Variants in KIF13B observed in about 807,000 individuals in gnomAD.
The protein encoded by KIF13B is kinesin-like protein KIF13B.
A neutral mutation model predicts 222.0 loss-of-function variants in KIF13B; 127 were observed. The ratio of observed to expected loss-of-function variants is 0.57; its 90% CI spans 0.50 to 0.66. The LOEUF (loss-of-function observed/expected upper bound fraction) is 0.66, where lower values mean the gene tolerates loss of function less well. Ranked by LOEUF, KIF13B falls within the 30% of genes least tolerant of loss-of-function variation. The pLI, the probability that KIF13B is intolerant of heterozygous loss-of-function variation, is 0.00. For synonymous variants in KIF13B, 976 were observed against 919.0 expected, an observed-to-expected ratio of 1.06 and a Z score of -1.12; for missense variants, 2,173 against 2,379.0, an observed-to-expected ratio of 0.91 and a Z score of 1.80.
At chr8:29,243,890 T>C (rs1815895592) in intron 2 of KIF13B, among the ~76,000 whole-genome samples, 1 of 152,204 alleles carries the variant, frequency 6.6e-6, no homozygotes, top group African/African-American at 2.4e-5. Context: ...CACTAATTTA[T>C]TTGATCTTTG....
At chr8:29,186,161 T>C (rs987152611) in intron 6 of KIF13B, 131 bp downstream of exon 6, 6 of 668,424 alleles carry the variant, frequency 9.0e-6, no homozygotes, top group Non-Finnish European at 1.5e-5. Context: ...TAAGCTATGA[T>C]TGTGCCACTG....
At chr8:29,190,817 G>T in intron 4 of KIF13B, 180 bp downstream of exon 4, 2 of 638,378 alleles carry the variant, frequency 3.1e-6, no homozygotes, top group Non-Finnish European at 2.9e-6. Flanking sequence ...TGGGGTGCAG[G>T]GAAAACTCCC....
intron 21 of KIF13B, chr8:29,138,479 T>C (rs1810663346): frequency 6.6e-6 from 1 of 152,176 alleles, no homozygotes; most frequent in African/African-American, 2.4e-5. Flanking sequence ...GACAATAGAA[T>C]TATAGAACCA....
chr8:29,150,488 C>A (rs556402059), intron 14 of KIF13B, 105 bp from the exon 15 acceptor site: 2 of 597,424 alleles, frequency 3.3e-6, no homozygotes, highest in Admixed American at 3.2e-5. Flanking sequence ...AACAATAATT[C>A]CCCCAAACAC....
chr8:29,157,794 G>A (rs988126542), intron 13 of KIF13B, among the ~76,000 whole-genome samples: 1 of 148,212 alleles, frequency 6.7e-6, no homozygotes, highest in East Asian at 2.0e-4. Context: ...TCGTACCACT[G>A]CACTCTCACC....
At chr8:29,144,053 CT>C (rs1456745928) in intron 18 of KIF13B, among the ~76,000 whole-genome samples, 2 of 149,918 alleles carry the variant, frequency 1.3e-5, no homozygotes, top group Non-Finnish European at 1.5e-5. Flanking sequence ...AAAAAAGCCC[CT>C]ATACATTTCC....
At chr8:29,236,873 CAA>C (rs1305076538) in intron 2 of KIF13B, among the ~76,000 whole-genome samples, 2 of 152,080 alleles carry the variant, frequency 1.3e-5, no homozygotes, top group Non-Finnish European at 2.9e-5. Context: ...CAAAATCTAA[CAA>C]GATGCACAAC....
rs77212368 is a variant in KIF13B at position 29,082,439 on chromosome 8, T to C, written c.4459-7096A>G. ...CCAGTTTACTTTACAAACTTCCACA[T>C]AACAGCCTGGGCAACATACCAAGGC... On this transcript the variant is annotated intron_variant, in intron 37 of 39. Transcript: ENST00000524189. Among the ~76,000 whole-genome samples, 877 of 152,206 alleles carry C rather than the reference T, an allele frequency of 5.8e-3. 5 individuals carry two copies. The highest frequency in any genetic ancestry group is 0.02 in the African/African-American group (848 of 41,522).
chr8:29,262,646 GGC>G (rs1816722553), intron 1 of KIF13B, among the ~76,000 whole-genome samples: 1 of 151,658 alleles, frequency 6.6e-6, no homozygotes, highest in South Asian at 2.1e-4. Flanking sequence ...GACGAGGCTG[GGC>G]GCGAGGGCCG....
At chr8:29,078,746 C>T (rs1296461297) in intron 37 of KIF13B, among the ~76,000 whole-genome samples, 4 of 152,150 alleles carry the variant, frequency 2.6e-5, no homozygotes, top group East Asian at 3.8e-4. Flanking sequence ...GCTCAGAGAG[C>T]GTTTACCTAA....
At chr8:29,080,417 C>T (rs1807755094) in intron 37 of KIF13B, among the ~76,000 whole-genome samples, 1 of 151,528 alleles carries the variant, frequency 6.6e-6, no homozygotes, top group Non-Finnish European at 1.5e-5. Context: ...TTGTCCTGAC[C>T]AGGGGCCTGG....
rs1811955651 is a variant in KIF13B, at chr8:29,165,576, G to GTTT, written c.1269+85_1269+86insAAA. ...GAGATTTGCCATCAGCCAAGCTGAAGATCAAAAAGGAACCAGAAACACCAT... is the reference window on the plus strand; with the variant it reads ...GAGATTTGCCATCAGCCAAGCTGAAGTTTATCAAAAAGGAACCAGAAACACCAT... On this transcript the variant is annotated intron_variant, in intron 12 of 39. Coordinates refer to ENST00000524189, the MANE Select transcript of KIF13B (RefSeq NM_015254.4). The GTTT allele has an allele frequency of 7.5e-6, 6 of 795,628 alleles. No individual in the cohort carries two copies. In the Admixed American group the frequency reaches 1.2e-4, roughly 15 times the overall value. The allele number at this position is 795,628 out of a possible 1,614,324, so 49.3% of individuals were successfully genotyped here. A position where few individuals can be genotyped will look rare whatever the true frequency, so the allele number is the denominator to read the frequency against.
At chr8:29,080,361 A>G (rs940388124) in intron 37 of KIF13B, among the ~76,000 whole-genome samples, 3 of 151,310 alleles carry the variant, frequency 2.0e-5, no homozygotes, top group African/African-American at 7.3e-5. Context: ...CAACCCAAAC[A>G]TTAAGCCTCA....
Position 29,244,010 on chromosome 8 carries a change from CTCTTT to C in KIF13B, c.149+1331_149+1335del, listed in dbSNP as rs544034667. Among the ~76,000 whole-genome samples the C allele has an allele frequency of 2.7e-3, 414 of 152,182 alleles. 1 individual carries two copies. The highest frequency in any genetic ancestry group is 9.6e-3 in the African/African-American group (398 of 41,532). ...TTTCAGATTTTCTCCAAATCCAGGG[CTCTTT>C]TCTTTTCTTTTTTTTTGAGACGGAG... On this transcript the variant is annotated intron_variant, in intron 2 of 39. Coordinates refer to ENST00000524189, the MANE Select transcript of KIF13B (RefSeq NM_015254.4).
At chr8:29,234,254 T>C (rs983986371) in intron 2 of KIF13B, among the ~76,000 whole-genome samples, 1 of 151,926 alleles carries the variant, frequency 6.6e-6, no homozygotes, top group Admixed American at 6.6e-5. Context: ...AGGAAAAAGG[T>C]AGAAGCAACC....
intron 29 of KIF13B, 42 bp from the exon 30 acceptor site, chr8:29,119,034 A>G (rs955964961): frequency 6.3e-7 from 1 of 1,592,804 alleles, no homozygotes; most frequent in Admixed American, 1.7e-5. Context: ...GATCATTTTC[A>G]AGGATAACCC....
At chr8:29,163,577 A>G (rs1340337364) in intron 12 of KIF13B, among the ~76,000 whole-genome samples, 1 of 152,222 alleles carries the variant, frequency 6.6e-6, no homozygotes, top group East Asian at 1.9e-4. Context: ...TTGTAGCTCT[A>G]CTGTCAGAAA....
chr8:29,072,579 G>A (rs1288791625), intron 38 of KIF13B, among the ~76,000 whole-genome samples: 1 of 152,192 alleles, frequency 6.6e-6, no homozygotes, highest in African/African-American at 2.4e-5. Flanking sequence ...TCCCACACTG[G>A]TTCTGCCACT....
At chr8:29,178,861 G>T (rs978715595) in intron 8 of KIF13B, among the ~76,000 whole-genome samples, 1 of 152,040 alleles carries the variant, frequency 6.6e-6, no homozygotes, top group Non-Finnish European at 1.5e-5. Context: ...CACACTAGGG[G>T]GTAGGCATCA....
Sources: gnomAD v4.1 joint callset for allele counts (sites outside exome capture counted in the v4.1 genomes callset) on GRCh38, gnomAD v4.1.1 for gene constraint, MANE v1.5 for transcripts, NCBI Gene and HGNC (gene_info 2026-07-23, HGNC 2026-07-21) for gene names.